The following ZSWIM2 variants were observed in gnomAD, a reference collection of about 807,000 sequenced individuals.
ZSWIM2 encodes the protein zinc finger SWIM-type containing 2, also known as E3 ubiquitin-protein ligase ZSWIM2.
A neutral mutation model predicts 48.4 loss-of-function variants in ZSWIM2; 38 were observed. The ratio of observed to expected loss-of-function variants is 0.79; its 90% CI spans 0.61 to 1.03. The LOEUF (loss-of-function observed/expected upper bound fraction) is 1.03. Among genes scored for constraint, ZSWIM2 ranks in the 50% least tolerant of loss-of-function variants. ZSWIM2 has a pLI of 0.00. For synonymous variants in ZSWIM2, 240 were observed against 251.3 expected, an observed-to-expected ratio of 0.96 and a Z score of 0.42; for missense variants, 776 against 730.2, an observed-to-expected ratio of 1.06 and a Z score of -0.72.
chr2:186,834,128 C>G, intron 5 of ZSWIM2, 98 bp from the exon 6 acceptor site: 1 of 819,292 alleles, frequency 1.2e-6, no homozygotes, highest in South Asian at 1.6e-5. Flanking sequence ...TGGGAACAAT[C>G]CAAACATGAC....
chr2:186,842,078 T>C (rs1691913578), intron 3 of ZSWIM2, among the ~76,000 whole-genome samples: 1 of 151,160 alleles, frequency 6.6e-6, no homozygotes, highest in Non-Finnish European at 1.5e-5. Flanking sequence ...AAAGAGAGTC[T>C]CAGGTTTCTT....
In ZSWIM2 at chr2:186,833,174, A is replaced by C. The variant is rs761301796; in HGVS notation, c.887T>G (p.Ile296Arg). 1 of 1,538,940 alleles carries C rather than the reference A, an allele frequency of 6.5e-7. No homozygotes were observed. The highest frequency in any genetic ancestry group is 8.7e-7 in the Non-Finnish European group (1 of 1,145,952). Reference protein sequence around the residue: ...EKRADEVVKYIDTKNEIEEKM... With the variant: ...EKRADEVVKYRDTKNEIEEKM... ...TTCTTCAATCTCATTTTTAGTATCT[A>C]TGTATTTTACAACTTCATCTGCTCT... The change falls in exon 7 of 9, where the codon ATA becomes AGA. Residue 296 changes from isoleucine (I) to arginine (R), a missense_variant. Ile to Arg is a moderately conservative substitution (Grantham distance 97, BLOSUM62 -3). Coordinates refer to ENST00000295131, the MANE Select transcript of ZSWIM2 (RefSeq NM_182521.3).
chr2:186,837,741 C>T (rs1284072598), intron 4 of ZSWIM2, among the ~76,000 whole-genome samples, 187 bp from the exon 5 acceptor site: 1 of 150,486 alleles, frequency 6.6e-6, no homozygotes, highest in African/African-American at 2.4e-5. Context: ...CACACTCACT[C>T]ATTCTAGTAA....
chr2:186,846,804 C>CATAT (rs1482636097), intron 2 of ZSWIM2, among the ~76,000 whole-genome samples: 5 of 39,776 alleles, frequency 1.3e-4, no homozygotes, highest in African/African-American at 6.6e-4. Context: ...TATACACACA[C>CATAT]ACACACATAT....
chr2:186,837,432 A>C lies in ZSWIM2; in HGVS notation c.617T>G (p.Leu206Arg). The part of the protein sequence containing the change: ...LCRKEFAPLK[L>R]ILEEFKNSSK... ...AGAGTTTTTGAATTCCTCCAAAATC[A>C]GTTTTAATGGTGCAAACTCTTTCCT... is the stretch of plus-strand genomic sequence containing the variant. The change falls in exon 5 of 9, where the codon CTG becomes CGG. Residue 206 changes from leucine (L) to arginine (R), a missense_variant. Transcript: ENST00000295131. The C allele has an allele frequency of 6.2e-7, 1 of 1,612,836 alleles. No individual in the cohort carries two copies. The highest frequency in any genetic ancestry group is 1.7e-4 in the Middle Eastern group (1 of 6,046).
At chr2:186,830,042 C>T (rs1358176600) in intron 7 of ZSWIM2, among the ~76,000 whole-genome samples, 162 bp from the exon 8 acceptor site, 1 of 152,054 alleles carries the variant, frequency 6.6e-6, no homozygotes, top group South Asian at 2.1e-4. Flanking sequence ...TTAAAAAAAT[C>T]TATTTTATTG....
At chr2:186,837,610 TTG>T in intron 4 of ZSWIM2, 56 bp from the exon 5 acceptor site, 2 of 751,948 alleles carry the variant, frequency 2.7e-6, no homozygotes, top group African/African-American at 2.8e-5. Context: ...TACATATCCA[TTG>T]TATATATATA....
Position 186,828,092 on chromosome 2 carries a change from C to T in ZSWIM2, c.1794G>A (p.Met598Ile), listed in dbSNP as rs147192687. The T allele has an allele frequency of 1.8e-5, 29 of 1,613,412 alleles. No individual in the cohort carries two copies. In the Middle Eastern group the frequency reaches 5.0e-4, roughly 28 times the overall value. ...LSLSKRYSNC[M>I]GEITRKCSHL... ...GACTACATTTTCGTGTAATTTCCCC[C>T]ATACAGTTACTATACCTTTTAGACA... The change falls in exon 9 of 9, where the codon ATG becomes ATA. Residue 598 changes from methionine (M) to isoleucine (I), a missense_variant. Coordinates refer to ENST00000295131, the MANE Select transcript of ZSWIM2 (RefSeq NM_182521.3).
chr2:186,847,504 C>T (rs1205374589), intron 2 of ZSWIM2, among the ~76,000 whole-genome samples: 6 of 152,050 alleles, frequency 3.9e-5, no homozygotes, highest in Non-Finnish European at 8.8e-5. Context: ...AAAGCATTAA[C>T]ATTATAAAAT....
chr2:186,832,476 T>C (rs765311286), intron 7 of ZSWIM2, among the ~76,000 whole-genome samples: 1 of 152,112 alleles, frequency 6.6e-6, no homozygotes, highest in Non-Finnish European at 1.5e-5. Flanking sequence ...ACCTCTCCAC[T>C]AATAATGTTC....
chr2:186,838,979 C>T lies in ZSWIM2; in HGVS notation c.474G>A (p.Lys158=). 6.2e-7 allele frequency: 1 copy of T among 1,607,460 alleles called. No individual in the cohort carries two copies. The highest frequency in any genetic ancestry group is 8.5e-7 in the Non-Finnish European group (1 of 1,176,096). The stretch of plus-strand genomic sequence containing the variant: ...ATCACCTGCAAAAGGTGACAGGAAG[C>T]TTTTTCTCTAAAAGTAGCTCTTGAC... ...SICQELLLEK[K]LPVTFCRFGC... Residue 158 remains lysine (K), a synonymous_variant, in exon 4 of 9, where the codon AAG becomes AAA. Coordinates refer to ENST00000295131, the MANE Select transcript of ZSWIM2 (RefSeq NM_182521.3).
Position 186,847,730 on chromosome 2 carries a change from C to A in ZSWIM2, c.231G>T (p.Lys77Asn). The change falls in exon 2 of 9, where the codon AAG (lysine) becomes AAT (asparagine). Residue 77 changes from lysine to asparagine, a missense_variant. Coordinates refer to ENST00000295131, the MANE Select transcript of ZSWIM2 (RefSeq NM_182521.3). ...STFPKGGELC[K>N]HICWVLLKKF... ...GAAAAGTCACTTACCAGCAGATATG[C>A]TTACAAAGTTCCCCTCCTTTCGGAA... 6.2e-7 allele frequency: 1 copy of A among 1,603,756 alleles called. No individual in the cohort carries two copies. The highest frequency in any genetic ancestry group is 1.3e-5 in the African/African-American group (1 of 74,588).
In ZSWIM2 at chr2:186,837,432, A is replaced by T. The variant is rs1691813711; in HGVS notation, c.617T>A (p.Leu206Gln). 1 of 1,612,718 alleles carries T rather than the reference A, an allele frequency of 6.2e-7. No individual in the cohort carries two copies. Among genetic ancestry groups the T allele is most frequent in the Admixed American group, 1.7e-5 (1 of 59,828 alleles). The change falls in exon 5 of 9, where the codon CTG becomes CAG. Residue 206 changes from leucine (L) to glutamine (Q), a missense_variant. Transcript: ENST00000295131. ...AGAGTTTTTGAATTCCTCCAAAATCAGTTTTAATGGTGCAAACTCTTTCCT... is the reference window on the plus strand; with the variant it reads ...AGAGTTTTTGAATTCCTCCAAAATCTGTTTTAATGGTGCAAACTCTTTCCT... The part of the protein sequence containing the change: ...LCRKEFAPLK[L>Q]ILEEFKNSSK...
rs763755550 is a variant in ZSWIM2, at chr2:186,837,320, C to T, written c.729G>A (p.Glu243=). The T allele has an allele frequency of 5.0e-6, 8 of 1,612,634 alleles. No homozygotes were observed. In the East Asian group the frequency reaches 1.6e-4, roughly 31 times the overall value. Residue 243 remains glutamate, a synonymous_variant, in exon 5 of 9, where the codon GAG becomes GAA. Transcript: ENST00000295131. ...PCNNCKQFPI[E]GKCYKCTECI... ...ATAACACTTACTTATAACACTTCCC[C>T]TCAATTGGAAACTGTTTGCAGTTAT...
chr2:186,829,951 GTAAA>G (rs1211801442), intron 7 of ZSWIM2, 71 bp from the exon 8 acceptor site: 11 of 1,478,834 alleles, frequency 7.4e-6, no homozygotes, highest in Non-Finnish European at 1.0e-5. Context: ...AATAGCACAG[GTAAA>G]TAGTCTCTAT....
Position 186,828,704 on chromosome 2 carries a change from A to T in ZSWIM2, c.1182T>A (p.Thr394=), listed in dbSNP as rs1455241872. The part of the protein sequence containing the change: ...IDGQVIYNPL[T]WKNSAVNGQA... ...GTCCATTCACTGCTGAATTTTTCCA[A>T]GTTAAAGGGTTATATATAACTTGTC... The change falls in exon 9 of 9, where the codon ACT becomes ACA. Residue 394 remains threonine (T), a synonymous_variant. Coordinates refer to ENST00000295131, the MANE Select transcript of ZSWIM2 (RefSeq NM_182521.3). 6.2e-7 allele frequency: 1 copy of T among 1,612,986 alleles called. No homozygotes were observed.
chr2:186,833,410 G>A (rs1448894392), intron 6 of ZSWIM2, among the ~76,000 whole-genome samples, 178 bp from the exon 7 acceptor site: 1 of 152,054 alleles, frequency 6.6e-6, no homozygotes, highest in Non-Finnish European at 1.5e-5. Context: ...GTATTGCATA[G>A]CTACTATAAT....
chr2:186,833,115 C>G lies in ZSWIM2; in HGVS notation c.941+5G>C, dbSNP rs755277363. On this transcript the variant is annotated splice_donor_5th_base_variant and intron_variant, in intron 7 of 8. Coordinates refer to ENST00000295131, the MANE Select transcript of ZSWIM2 (RefSeq NM_182521.3). The stretch of plus-strand genomic sequence containing the variant: ...AACAAATATAAAATTTACTGGGAAC[C>G]TCACCCTTGCTTTTCTTGAAAATGT... The G allele has an allele frequency of 7.3e-7, 1 of 1,374,020 alleles. No homozygotes were observed. The allele number at this position is 1,374,020 out of a possible 1,614,324, so 85.1% of individuals were successfully genotyped here.
At chr2:186,841,714 G>T (rs1311577426) in intron 3 of ZSWIM2, among the ~76,000 whole-genome samples, 3 of 151,220 alleles carry the variant, frequency 2.0e-5, no homozygotes, top group Non-Finnish European at 4.5e-5. Context: ...AGATTATATA[G>T]CATGAAAATA....
Sources: allele counts gnomAD v4.1 joint callset (sites outside exome capture counted in the v4.1 genomes callset), GRCh38; gene constraint gnomAD v4.1.1; transcripts MANE v1.5; gene names NCBI Gene and HGNC (gene_info 2026-07-23, HGNC 2026-07-21).